The following DIRAS2 variants were observed in gnomAD, a reference collection of about 807,000 sequenced individuals.
The protein encoded by DIRAS2 is DIRAS family GTPase 2.
A neutral mutation model predicts 13.9 loss-of-function variants in DIRAS2; 5 were observed. The observed-to-expected ratio is 0.36, with a 90% CI of 0.19 to 0.76. DIRAS2 has a LOEUF of 0.76. Ranked by LOEUF, DIRAS2 falls within the 30% of genes least tolerant of loss-of-function variation. The probability of loss-of-function intolerance (pLI) is 0.53; values close to 1 mark genes in which losing one functional copy is unlikely to be tolerated. For missense variants in DIRAS2, 191 were observed against 263.0 expected (o/e 0.73, Z 1.89); for synonymous variants, 111 against 105.4 (o/e 1.05, Z -0.33).
Position 90,610,141 on chromosome 9 carries a change from G to T in DIRAS2, c.*3087C>A. On this transcript the variant is annotated 3_prime_UTR_variant, in exon 2 of 2. Transcript: ENST00000375765. ...TAGATATTTCCAGAGAACTTATGTA[G>T]AAGCAACACATTACAAATTTTGGGG... 1 of 303,928 alleles carries T rather than the reference G, an allele frequency of 3.3e-6. No individual in the cohort carries two copies. The highest frequency in any genetic ancestry group is 5.9e-6 in the Non-Finnish European group (1 of 168,698). The allele number at this position is 303,928 out of a possible 1,614,324, so 18.8% of individuals were successfully genotyped here.
At chr9:90,631,158 T>A (rs1408853553) in intron 1 of DIRAS2, among the ~76,000 whole-genome samples, 3 of 152,042 alleles carry the variant, frequency 2.0e-5, no homozygotes, top group Non-Finnish European at 4.4e-5. Flanking sequence ...TTAGCAAAAA[T>A]TTGAGAGAGG....
chr9:90,628,046 A>T (rs1251038026), intron 1 of DIRAS2, among the ~76,000 whole-genome samples: 1 of 152,140 alleles, frequency 6.6e-6, no homozygotes, highest in Non-Finnish European at 1.5e-5. Flanking sequence ...AAAAGAAAAA[A>T]AAATAGCAAA....
At chr9:90,617,664 G>A (rs1209345036) in intron 1 of DIRAS2, among the ~76,000 whole-genome samples, 1 of 152,142 alleles carries the variant, frequency 6.6e-6, no homozygotes, top group Non-Finnish European at 1.5e-5. Flanking sequence ...TCATAAAGGA[G>A]CAGTATGATG....
At chr9:90,631,659 T>A (rs541558859) in intron 1 of DIRAS2, among the ~76,000 whole-genome samples, 2 of 152,272 alleles carry the variant, frequency 1.3e-5, no homozygotes, top group South Asian at 4.1e-4. Context: ...CTTCCTTCGC[T>A]GCTACTCTAC....
chr9:90,619,670 T>C (rs992923552), intron 1 of DIRAS2, among the ~76,000 whole-genome samples: 1 of 152,170 alleles, frequency 6.6e-6, no homozygotes, highest in Non-Finnish European at 1.5e-5. Flanking sequence ...AGAATTATAA[T>C]ATGACCCAGC....
chr9:90,623,976 C>G (rs1231513613), intron 1 of DIRAS2, among the ~76,000 whole-genome samples: 3 of 152,140 alleles, frequency 2.0e-5, no homozygotes, highest in African/African-American at 7.2e-5. Flanking sequence ...CTATTCTGCC[C>G]TAAATGTTCT....
At chr9:90,618,846 A>T (rs1307230947) in intron 1 of DIRAS2, among the ~76,000 whole-genome samples, 1 of 152,202 alleles carries the variant, frequency 6.6e-6, no homozygotes, top group African/African-American at 2.4e-5. Flanking sequence ...ACTCAACATA[A>T]TAGTCACCAG....
intron 1 of DIRAS2, among the ~76,000 whole-genome samples, chr9:90,625,531 A>G (rs1484172655): frequency 1.3e-5 from 2 of 152,206 alleles, no homozygotes; most frequent in African/African-American, 2.4e-5. Context: ...TCATTATTTT[A>G]CATGTAGATA....
At position 90,613,324 on chromosome 9, in the gene DIRAS2, C is replaced by T. The variant is rs1825134066; in HGVS notation, c.504G>A (p.Leu168=). 6.2e-7 allele frequency: 1 copy of T among 1,614,056 alleles called. No individual in the cohort carries two copies. The highest frequency in any genetic ancestry group is 1.3e-5 in the African/African-American group (1 of 74,998). The change falls in exon 2 of 2, where the codon CTG becomes CTA. Residue 168 remains leucine (L), a synonymous_variant. Coordinates refer to ENST00000375765, the MANE Select transcript of DIRAS2 (RefSeq NM_017594.5). This position sits in a 1 kb window ranked among gnomAD's most constrained non-coding sequence, Gnocchi z 5.6. ...VKELFQELLN[L]EKRRTVSLQI... The stretch of plus-strand genomic sequence containing the variant: ...GGAGACTCACGGTCCTGCGCTTCTC[C>T]AGGTTGAGCAGCTCCTGGAAAAGCT...
chr9:90,625,301 T>G (rs756367592), intron 1 of DIRAS2, among the ~76,000 whole-genome samples: 2 of 152,232 alleles, frequency 1.3e-5, no homozygotes, highest in Non-Finnish European at 2.9e-5. Flanking sequence ...CCTAAAAGTT[T>G]ACAAAACTGG....
chr9:90,619,866 A>G (rs1328485277), intron 1 of DIRAS2, among the ~76,000 whole-genome samples: 2 of 152,372 alleles, frequency 1.3e-5, no homozygotes, highest in East Asian at 1.9e-4. Flanking sequence ...ATTCATCAAG[A>G]AAAAGGAACT....
intron 1 of DIRAS2, among the ~76,000 whole-genome samples, chr9:90,633,928 G>C (rs1384678165): frequency 2.6e-5 from 4 of 152,216 alleles, no homozygotes; most frequent in African/African-American, 9.6e-5. Context: ...GGAAAGATTT[G>C]AATTGGTGGC....
intron 1 of DIRAS2, among the ~76,000 whole-genome samples, chr9:90,622,570 T>C (rs1825229779): frequency 6.6e-6 from 1 of 152,264 alleles, no homozygotes; most frequent in Middle Eastern, 3.4e-3. Context: ...TTATTTCAGA[T>C]GGTATTAAAA....
intron 1 of DIRAS2, among the ~76,000 whole-genome samples, 162 bp from the exon 2 acceptor site, chr9:90,614,025 A>G (rs768826616): frequency 6.6e-6 from 1 of 152,214 alleles, no homozygotes; most frequent in Non-Finnish European, 1.5e-5. Flanking sequence ...GCCGTTTTCA[A>G]AAGGACAGAC....
Position 90,613,010 on chromosome 9 carries a change from G to A in DIRAS2, c.*218C>T. 1 of 605,244 alleles carries A rather than the reference G, an allele frequency of 1.7e-6. No individual in the cohort carries two copies. The highest frequency in any genetic ancestry group is 2.8e-6 in the Non-Finnish European group (1 of 356,942). 37.5% of individuals were successfully genotyped at this position (605,244 alleles called of 1,614,324 possible). A position where few individuals can be genotyped will look rare whatever the true frequency, so the allele number is the denominator to read the frequency against. On this transcript the variant is annotated 3_prime_UTR_variant, in exon 2 of 2. Transcript: ENST00000375765. This position sits in a 1 kb window ranked among gnomAD's most constrained non-coding sequence, Gnocchi z 5.6. ...AGTTCCCAGGGATGCTGAGTGTGTT[G>A]GTTTTCACTTGAACCGCCTGGCAGA...
In DIRAS2 at chr9:90,613,643, G is replaced by A. The variant is rs1564018009; in HGVS notation, c.185C>T (p.Thr62Met). ...GGCCGGGAACTGGTGGCTCCCCGTC[G>A]TGTCGGTGATCTGCAATGTGCATAT... ...KSICTLQITD[T>M]TGSHQFPAMQ... The change falls in exon 2 of 2, where the codon ACG becomes ATG. Residue 62 changes from threonine (T) to methionine (M), a missense_variant. By Grantham distance (81) the Thr-to-Met change is moderately conservative. Coordinates refer to ENST00000375765, the MANE Select transcript of DIRAS2 (RefSeq NM_017594.5). This position sits in a 1 kb window ranked among gnomAD's most constrained non-coding sequence, Gnocchi z 5.6. 1 of 1,614,146 alleles carries A rather than the reference G, an allele frequency of 6.2e-7. No homozygotes were observed. The highest frequency in any genetic ancestry group is 8.5e-7 in the Non-Finnish European group (1 of 1,180,030).
chr9:90,639,989 T>C (rs1204671961), intron 1 of DIRAS2, among the ~76,000 whole-genome samples: 1 of 152,234 alleles, frequency 6.6e-6, no homozygotes, highest in Non-Finnish European at 1.5e-5. Context: ...GTGTGGGCTA[T>C]TGAGCACTGG....
At chr9:90,615,284 T>G (rs1167673528) in intron 1 of DIRAS2, among the ~76,000 whole-genome samples, 2 of 152,218 alleles carry the variant, frequency 1.3e-5, no homozygotes, top group African/African-American at 4.8e-5. Flanking sequence ...TTTTGCCTCA[T>G]GCGTCTGCCT....
At chr9:90,641,549 T>C (rs892866560) in intron 1 of DIRAS2, among the ~76,000 whole-genome samples, 1 of 152,148 alleles carries the variant, frequency 6.6e-6, no homozygotes, top group Non-Finnish European at 1.5e-5. Flanking sequence ...CAGAGATAGA[T>C]AAAATTGTGG....
Sources: allele counts gnomAD v4.1 joint callset (sites outside exome capture counted in the v4.1 genomes callset), GRCh38; gene constraint gnomAD v4.1.1; non-coding constraint Gnocchi (gnomAD v3.1); transcripts MANE v1.5; gene names NCBI Gene and HGNC (gene_info 2026-07-23, HGNC 2026-07-21).